The following TBPL1 variants were observed in gnomAD, a reference collection of about 807,000 sequenced individuals.
The protein encoded by TBPL1 is TATA-box binding protein like 1.
TBPL1 carries 4 observed loss-of-function variants against 22.1 expected under a neutral mutation model. The observed-to-expected ratio is 0.18, with a 90% CI of 0.09 to 0.41. TBPL1 has a LOEUF of 0.41. Among genes scored for constraint, TBPL1 ranks in the 10% least tolerant of loss-of-function variants. The pLI, the probability that TBPL1 is intolerant of heterozygous loss-of-function variation, is 1.00. For missense variants in TBPL1, 115 were observed against 222.3 expected, an observed-to-expected ratio of 0.52 and a Z score of 3.07; for synonymous variants, 64 against 71.0, an observed-to-expected ratio of 0.90 and a Z score of 0.50.
chr6:133,964,714 C>G (rs1041278386), intron 1 of TBPL1, among the ~76,000 whole-genome samples: 42 of 152,252 alleles, frequency 2.8e-4, no homozygotes, highest in African/African-American at 8.9e-4. Context: ...TCCCAAAGTG[C>G]TGGGATTACA....
chr6:133,970,193 A>T (rs1194197657), intron 1 of TBPL1, among the ~76,000 whole-genome samples: 1 of 152,174 alleles, frequency 6.6e-6, no homozygotes, highest in Non-Finnish European at 1.5e-5. Context: ...TTCAGTTGAG[A>T]ACAACTACTC....
chr6:133,955,050 A>G (rs1030388593), intron 1 of TBPL1, among the ~76,000 whole-genome samples: 1 of 152,108 alleles, frequency 6.6e-6, no homozygotes, highest in African/African-American at 2.4e-5. Context: ...CATTAAGAAG[A>G]AAAAGATAGA....
At chr6:133,954,479 T>G (rs1775893612) in intron 1 of TBPL1, among the ~76,000 whole-genome samples, 1 of 152,242 alleles carries the variant, frequency 6.6e-6, no homozygotes, top group African/African-American at 2.4e-5. Flanking sequence ...GTTGAAAGGA[T>G]TATTCACAGT....
intron 1 of TBPL1, among the ~76,000 whole-genome samples, chr6:133,964,521 G>A (rs2114337668): frequency 6.6e-6 from 1 of 150,886 alleles, no homozygotes; most frequent in East Asian, 2.0e-4. Context: ...CACCATCTTG[G>A]CTCACTGCAA....
At position 133,987,791 on chromosome 6, in the gene TBPL1, A is replaced by G. The variant is rs1186577328; in HGVS notation, c.*751A>G. 1.3e-5 allele frequency: 2 copies of G among 152,538 alleles called. No homozygotes were observed. The highest frequency in any genetic ancestry group is 4.8e-5 in the African/African-American group (2 of 41,424). The allele number at this position is 152,538 out of a possible 1,614,324, so 9.4% of individuals were successfully genotyped here. Reference sequence around the variant, plus strand: ...CTAGGGAACCAGACTAGAAGTTTATAGATAAAGGATAATGTTTTATGTTGC... The same window carrying G: ...CTAGGGAACCAGACTAGAAGTTTATGGATAAAGGATAATGTTTTATGTTGC... On this transcript the variant is annotated 3_prime_UTR_variant, in exon 7 of 7. Coordinates refer to ENST00000237264, the MANE Select transcript of TBPL1 (RefSeq NM_004865.4).
intron 2 of TBPL1, among the ~76,000 whole-genome samples, chr6:133,981,159 G>A (rs1041642059): frequency 1.3e-5 from 2 of 151,950 alleles, no homozygotes; most frequent in East Asian, 3.9e-4. Flanking sequence ...TTTTAGTAGA[G>A]ACGGGGTTTC....
intron 1 of TBPL1, among the ~76,000 whole-genome samples, chr6:133,977,144 T>A (rs953405769): frequency 6.6e-6 from 1 of 152,142 alleles, no homozygotes; most frequent in African/African-American, 2.4e-5. Flanking sequence ...CAAGTGGACC[T>A]TTTTTCATGC....
At chr6:133,985,318 A>AAC (rs1290059040) in intron 6 of TBPL1, among the ~76,000 whole-genome samples, 1 of 111,088 alleles carries the variant, frequency 9.0e-6, no homozygotes, top group African/African-American at 3.5e-5. Context: ...ATATATATAT[A>AAC]TATATATATA....
chr6:133,954,897 A>G (rs1775900686), intron 1 of TBPL1, among the ~76,000 whole-genome samples: 1 of 152,174 alleles, frequency 6.6e-6, no homozygotes, highest in African/African-American at 2.4e-5. Flanking sequence ...TAGCCAGAAT[A>G]TAGCTTCAAC....
intron 1 of TBPL1, among the ~76,000 whole-genome samples, chr6:133,969,452 T>C (rs1164363537): frequency 6.6e-6 from 1 of 152,162 alleles, no homozygotes; most frequent in Non-Finnish European, 1.5e-5. Flanking sequence ...GTCTCATAGA[T>C]AGTAGGTAGT....
rs1776587581 is a variant in TBPL1, at chr6:133,989,380, T to C, written c.*2340T>C. Reference sequence around the variant, plus strand: ...AAATATAAAAGAATGCTCAAGATACTGAAGTCAAGGTCACTAGTAATAAAC... The same window carrying C: ...AAATATAAAAGAATGCTCAAGATACCGAAGTCAAGGTCACTAGTAATAAAC... On this transcript the variant is annotated 3_prime_UTR_variant, in exon 7 of 7. Transcript: ENST00000237264. The C allele has an allele frequency of 1.3e-5, 2 of 152,114 alleles. No individual in the cohort carries two copies. The highest frequency in any genetic ancestry group is 1.3e-4 in the Admixed American group (2 of 15,256). 9.4% of individuals were successfully genotyped at this position (152,114 alleles called of 1,614,324 possible).
intron 1 of TBPL1, among the ~76,000 whole-genome samples, chr6:133,969,978 T>C (rs1411453880): frequency 1.3e-5 from 2 of 152,224 alleles, no homozygotes; most frequent in East Asian, 3.8e-4. Flanking sequence ...TTAAAAACCA[T>C]CAGTCTAGTC....
At chr6:133,973,062 T>C (rs1450825937) in intron 1 of TBPL1, among the ~76,000 whole-genome samples, 1 of 152,218 alleles carries the variant, frequency 6.6e-6, no homozygotes, top group Non-Finnish European at 1.5e-5. Flanking sequence ...AGGCAAATGT[T>C]AGCTTTTCTT....
intron 1 of TBPL1, among the ~76,000 whole-genome samples, chr6:133,977,361 G>T (rs1219992089): frequency 6.6e-6 from 1 of 152,094 alleles, no homozygotes; most frequent in Non-Finnish European, 1.5e-5. Flanking sequence ...CTGAAATGAT[G>T]AAAAATCACC....
At chr6:133,969,334 T>G (rs1776178154) in intron 1 of TBPL1, among the ~76,000 whole-genome samples, 2 of 151,438 alleles carry the variant, frequency 1.3e-5, no homozygotes, top group Admixed American at 1.3e-4. Context: ...AAATAGTACC[T>G]TGTAGCTTTC....
At chr6:133,959,285 C>G (rs1775978968) in intron 1 of TBPL1, among the ~76,000 whole-genome samples, 1 of 152,150 alleles carries the variant, frequency 6.6e-6, no homozygotes, top group East Asian at 1.9e-4. Context: ...AGTGATCTGC[C>G]TGTCTCAGCC....
chr6:133,962,438 C>T (rs1776040418), intron 1 of TBPL1, among the ~76,000 whole-genome samples: 1 of 152,096 alleles, frequency 6.6e-6, no homozygotes, highest in South Asian at 2.1e-4. Flanking sequence ...GTTAACTGAG[C>T]AGAGGAGAAG....
At position 133,985,300 on chromosome 6, in the gene TBPL1, ATATATATATATATATATATATAT is replaced by A. The variant is rs1776496295; in HGVS notation, c.481+630_481+652del. ...CTAAAAAAAAAAAAAAAAAAAAAAT[ATATATATATATATATATATATAT>A]ATATATATATATATACACACATATA... On this transcript the variant is annotated intron_variant, in intron 6 of 6. Transcript: ENST00000237264. 3.9e-4 allele frequency among the ~76,000 whole-genome samples: 14 copies of A among 35,724 alleles called. 3 individuals carry two copies. The highest frequency in any genetic ancestry group is 6.7e-4 in the Non-Finnish European group (13 of 19,462). The allele number at this position is 35,724 out of a possible 152,430, so 23.4% of individuals were successfully genotyped here. A position where few individuals can be genotyped will look rare whatever the true frequency, so the allele number is the denominator to read the frequency against.
chr6:133,975,025 T>A (rs1158737582), intron 1 of TBPL1, among the ~76,000 whole-genome samples: 1 of 152,192 alleles, frequency 6.6e-6, no homozygotes, highest in Non-Finnish European at 1.5e-5. Context: ...GTATTAAGTA[T>A]TCAACTTAAA....
Sources: gnomAD v4.1 joint callset for allele counts (sites outside exome capture counted in the v4.1 genomes callset) on GRCh38, gnomAD v4.1.1 for gene constraint, MANE v1.5 for transcripts, NCBI Gene and HGNC (gene_info 2026-07-23, HGNC 2026-07-21) for gene names.